The following ERBB4 variants were observed in gnomAD, a reference collection of about 807,000 sequenced individuals.
The protein encoded by ERBB4 is receptor tyrosine-protein kinase erbB-4.
Under a neutral mutation model 158.0 loss-of-function variants are expected in ERBB4, and 42 were observed. The ratio of observed to expected loss-of-function variants is 0.27; its 90% CI spans 0.21 to 0.34. ERBB4 has a LOEUF of 0.34. Ranked by LOEUF, ERBB4 falls within the 10% of genes least tolerant of loss-of-function variation. The pLI is 1.00. For synonymous variants in ERBB4, 583 were observed against 558.7 expected, an observed-to-expected ratio of 1.04 and a Z score of -0.61; for missense variants, 1,333 against 1,624.1, an observed-to-expected ratio of 0.82 and a Z score of 3.08.
intron 2 of ERBB4, among the ~76,000 whole-genome samples, chr2:212,016,263 G>T (rs1223248590): frequency 6.6e-6 from 1 of 151,656 alleles, no homozygotes; most frequent in Non-Finnish European, 1.5e-5. Flanking sequence ...CATAGGAAAA[G>T]CTCAATAAGC....
At chr2:211,883,204 A>T (rs1316992510) in intron 3 of ERBB4, among the ~76,000 whole-genome samples, 1 of 152,126 alleles carries the variant, frequency 6.6e-6, no homozygotes, top group Non-Finnish European at 1.5e-5. Flanking sequence ...AGGACAAAAA[A>T]CCAAACACCG....
intron 21 of ERBB4, among the ~76,000 whole-genome samples, chr2:211,430,231 C>T (rs755243581): frequency 6.6e-6 from 1 of 151,962 alleles, no homozygotes; most frequent in Non-Finnish European, 1.5e-5. Flanking sequence ...TCACCATAGC[C>T]TAAGATTGCA....
chr2:212,313,314 A>T (rs1342838464), intron 1 of ERBB4, among the ~76,000 whole-genome samples: 1 of 150,872 alleles, frequency 6.6e-6, no homozygotes, highest in African/African-American at 2.4e-5. Flanking sequence ...TATCAACTAG[A>T]GGTCTTACAA....
chr2:212,012,462 G>T (rs190696396), intron 2 of ERBB4, among the ~76,000 whole-genome samples: 1 of 149,126 alleles, frequency 6.7e-6, no homozygotes, highest in East Asian at 2.0e-4. Flanking sequence ...TGTCACCCAG[G>T]CTGGAGTGCG....
chr2:212,422,529 G>A (rs538699356), intron 1 of ERBB4, among the ~76,000 whole-genome samples: 11 of 130,382 alleles, frequency 8.4e-5, no homozygotes, highest in Non-Finnish European at 1.5e-4. Context: ...ACACACACAC[G>A]AAGCGGGAAA....
intron 1 of ERBB4, among the ~76,000 whole-genome samples, chr2:212,197,309 G>A (rs752868888): frequency 6.6e-6 from 1 of 152,160 alleles, no homozygotes; most frequent in African/African-American, 2.4e-5. Flanking sequence ...TTATTCTTAA[G>A]TCAGCTTAGG....
intron 1 of ERBB4, among the ~76,000 whole-genome samples, chr2:212,367,120 A>G (rs1353584125): frequency 6.6e-6 from 1 of 152,036 alleles, no homozygotes; most frequent in African/African-American, 2.4e-5. Flanking sequence ...CAGAGAAGAG[A>G]TCATGTGTGG....
intron 19 of ERBB4, among the ~76,000 whole-genome samples, chr2:211,570,558 T>C (rs1204720111): frequency 6.6e-6 from 1 of 152,114 alleles, no homozygotes; most frequent in Non-Finnish European, 1.5e-5. Context: ...CTACCTTTCT[T>C]AATATCTACT....
At chr2:212,431,500 T>C (rs978967951) in intron 1 of ERBB4, among the ~76,000 whole-genome samples, 1 of 152,052 alleles carries the variant, frequency 6.6e-6, no homozygotes, top group African/African-American at 2.4e-5. Context: ...CTTGGAATAT[T>C]GCATTTGCCT....
intron 2 of ERBB4, among the ~76,000 whole-genome samples, chr2:212,038,721 T>C (rs1045849663): frequency 5.9e-5 from 9 of 152,126 alleles, no homozygotes; most frequent in African/African-American, 2.2e-4. Flanking sequence ...GTCAGTTTTG[T>C]TGTATATATG....
chr2:211,977,178 G>A (rs1020558980), intron 2 of ERBB4, among the ~76,000 whole-genome samples: 2 of 152,132 alleles, frequency 1.3e-5, no homozygotes, highest in Admixed American at 1.3e-4. Context: ...CCTGACACAG[G>A]AGGCAACTTT....
intron 2 of ERBB4, among the ~76,000 whole-genome samples, chr2:212,067,967 C>G (rs1457066036): frequency 6.6e-6 from 1 of 152,032 alleles, no homozygotes; most frequent in Non-Finnish European, 1.5e-5. Context: ...ACTATATAGA[C>G]TTAGATGCAA....
intron 2 of ERBB4, among the ~76,000 whole-genome samples, chr2:212,026,003 A>G (rs1235170032): frequency 6.6e-6 from 1 of 151,756 alleles, no homozygotes; most frequent in Non-Finnish European, 1.5e-5. Context: ...CTTCTCCCAT[A>G]AAGTCTCAAT....
Position 211,969,316 on chromosome 2 carries a change from T to C in ERBB4, c.235-21700A>G, listed in dbSNP as rs540276632. Among the ~76,000 whole-genome samples the C allele has an allele frequency of 9.2e-5, 14 of 152,148 alleles. No individual in the cohort carries two copies. In the South Asian group the frequency reaches 1.0e-3, roughly 11 times the overall value. On this transcript the variant is annotated intron_variant, in intron 2 of 27. Transcript: ENST00000342788. ...AAAACAGGATCCATTCAGAGTTGAA[T>C]AGACATATCTCTTTGCTGAAAAAAC...
intron 1 of ERBB4, among the ~76,000 whole-genome samples, chr2:212,529,014 A>G (rs1487770099): frequency 6.6e-6 from 1 of 152,164 alleles, no homozygotes; most frequent in African/African-American, 2.4e-5. Context: ...ATATTTATTA[A>G]CATTTTATCT....
At chr2:211,838,785 C>T (rs1330379042) in intron 3 of ERBB4, among the ~76,000 whole-genome samples, 8 of 152,044 alleles carry the variant, frequency 5.3e-5, no homozygotes. Flanking sequence ...GTGATTCGGA[C>T]TAACGGGTCT....
intron 1 of ERBB4, among the ~76,000 whole-genome samples, chr2:212,221,573 C>T (rs558911195): frequency 6.6e-6 from 1 of 151,600 alleles, no homozygotes; most frequent in East Asian, 1.9e-4. Context: ...TACTGTATCA[C>T]TTAACATCCT....
intron 1 of ERBB4, among the ~76,000 whole-genome samples, chr2:212,139,811 C>T (rs73987250): frequency 0.028 from 4,316 of 151,970 alleles, 142 homozygotes; most frequent in African/African-American, 0.078. Flanking sequence ...TTTAATCCTG[C>T]CACAGCACGA....
chr2:212,199,190 G>T (rs1391059282), intron 1 of ERBB4, among the ~76,000 whole-genome samples: 1 of 151,988 alleles, frequency 6.6e-6, no homozygotes, highest in Non-Finnish European at 1.5e-5. Context: ...ATTTTACATT[G>T]TACAGGGACC....
Sources: allele counts gnomAD v4.1 joint callset (sites outside exome capture counted in the v4.1 genomes callset), GRCh38; gene constraint gnomAD v4.1.1; transcripts MANE v1.5; gene names NCBI Gene and HGNC (gene_info 2026-07-23, HGNC 2026-07-21).